Variants in CYP4F22 observed in about 807,000 individuals in gnomAD.
CYP4F22 encodes ultra-long-chain fatty acid omega-hydroxylase.
In CYP4F22, 37 loss-of-function variants were observed where a neutral mutation model predicts 60.4. The ratio of observed to expected loss-of-function variants is 0.61; its 90% CI spans 0.47 to 0.81. The LOEUF is 0.81. Among genes scored for constraint, CYP4F22 ranks in the 30% least tolerant of loss-of-function variants. The probability of loss-of-function intolerance (pLI) is 0.00; values close to 1 mark genes in which losing one functional copy is unlikely to be tolerated. For synonymous variants in CYP4F22, 258 were observed against 280.5 expected, an observed-to-expected ratio of 0.92 and a Z score of 0.80; for missense variants, 655 against 715.0, an observed-to-expected ratio of 0.92 and a Z score of 0.96.
At chr19:15,525,616 G>A (rs1016430864) in intron 3 of CYP4F22, 58 bp downstream of exon 3, 13 of 1,528,724 alleles carry the variant, frequency 8.5e-6, no homozygotes, top group South Asian at 1.1e-5. Flanking sequence ...AGGGTAATAG[G>A]TAGGGATGGT....
Position 15,540,652 on chromosome 19 carries a change from G to A in CYP4F22, c.874G>A (p.Glu292Lys), listed in dbSNP as rs139163760. 756 of 1,613,858 alleles carry A rather than the reference G, an allele frequency of 4.7e-4. No homozygotes were observed. The highest frequency in any genetic ancestry group is 6.0e-4 in the Non-Finnish European group (706 of 1,179,988). The change falls in exon 8 of 14, where the codon GAG becomes AAG. Residue 292 changes from glutamate to lysine, a missense_variant. Glu to Lys is a moderately conservative substitution (Grantham distance 56, BLOSUM62 1). Transcript: ENST00000269703. ...GCGGGCACTGCGTCAGCAGGGGGCC[G>A]AGGCCTGGCTTAAGGCCAAGCAGGG... ...RRRALRQQGAEAWLKAKQGKT... is the reference protein window; with the variant it reads ...RRRALRQQGAKAWLKAKQGKT...
At chr19:15,522,055 G>A (rs1971232533) in intron 1 of CYP4F22, among the ~76,000 whole-genome samples, 1 of 149,278 alleles carries the variant, frequency 6.7e-6, no homozygotes, top group Non-Finnish European at 1.5e-5. Flanking sequence ...TGAGGCATGA[G>A]AATTGCTTGA....
intron 4 of CYP4F22, among the ~76,000 whole-genome samples, chr19:15,530,256 G>A (rs2144519003): frequency 6.6e-6 from 1 of 152,314 alleles, no homozygotes; most frequent in South Asian, 2.1e-4. Flanking sequence ...GGCTGACTCT[G>A]ACTGGCAGGG....
chr19:15,511,875 G>A (rs1410873566), intron 1 of CYP4F22, among the ~76,000 whole-genome samples: 5 of 152,228 alleles, frequency 3.3e-5, no homozygotes, highest in East Asian at 3.8e-4. Context: ...AAACCAGCGC[G>A]ACCTGGGCGT....
chr19:15,513,648 G>A (rs1315594616), intron 1 of CYP4F22, among the ~76,000 whole-genome samples: 8 of 152,118 alleles, frequency 5.3e-5, no homozygotes, highest in South Asian at 2.1e-4. Context: ...ACAAGCGTGA[G>A]CCACCACGCC....
intron 1 of CYP4F22, among the ~76,000 whole-genome samples, chr19:15,510,967 T>TA (rs374989279): frequency 0.097 from 5,038 of 51,840 alleles, 87 homozygotes; most frequent in African/African-American, 0.11. Flanking sequence ...TATATATATA[T>TA]TTTTTTTTTT....
chr19:15,545,683 A>ACAAGT (rs1971517893), intron 10 of CYP4F22, among the ~76,000 whole-genome samples: 1 of 58,760 alleles, frequency 1.7e-5, no homozygotes, highest in African/African-American at 8.8e-5. Flanking sequence ...AAAAGAAAAG[A>ACAAGT]AAAGAAAAGA....
chr19:15,531,506 G>T (rs552396072), intron 4 of CYP4F22, among the ~76,000 whole-genome samples: 7 of 152,126 alleles, frequency 4.6e-5, no homozygotes, highest in Non-Finnish European at 1.0e-4. Flanking sequence ...GAAAGAAGCT[G>T]CCATCTTCCC....
intron 1 of CYP4F22, among the ~76,000 whole-genome samples, chr19:15,510,966 ATTTT>A (rs1555726127): frequency 6.8e-5 from 7 of 103,308 alleles, no homozygotes; most frequent in African/African-American, 2.3e-4. Context: ...ATATATATAT[ATTTT>A]TTTTTTTTTT....
intron 10 of CYP4F22, among the ~76,000 whole-genome samples, chr19:15,545,648 C>CAAAAAAAAAAAAAAAAAAAAAAAAAAA (rs1217096575): frequency 1.3e-4 from 5 of 38,948 alleles, no homozygotes; most frequent in Non-Finnish European, 1.8e-4. Flanking sequence ...GACCCTGTCT[C>CAAAAAAAAAAAAAAAAAAAAAAAAAAA]AAAAAAAAAA....
intron 4 of CYP4F22, among the ~76,000 whole-genome samples, chr19:15,530,489 G>A (rs189307587): frequency 3.9e-4 from 59 of 152,214 alleles, no homozygotes; most frequent in African/African-American, 1.3e-3. Context: ...CCTCATGAGC[G>A]GGACTCTGGA....
chr19:15,537,380 T>C lies in CYP4F22; in HGVS notation c.387T>C (p.Asp129=), dbSNP rs150739429. Residue 129 remains aspartate (D), a synonymous_variant, in exon 5 of 14, where the codon GAT becomes GAC. Transcript: ENST00000269703. ...CCACAGCTGCCATCGCCCCCAAGGATGACCTCTTCTATGGCTTCCTAAAAC... is the reference window on the plus strand; with the variant it reads ...CCACAGCTGCCATCGCCCCCAAGGACGACCTCTTCTATGGCTTCCTAAAAC... ...LGASAAIAPK[D]DLFYGFLKPW... 3.1e-4 allele frequency: 508 copies of C among 1,614,196 alleles called. 7 individuals carry two copies. In the South Asian group the frequency reaches 4.5e-3, roughly 14 times the overall value.
At chr19:15,509,885 C>CTTTCTTTCTTTCT (rs1210119534) in intron 1 of CYP4F22, among the ~76,000 whole-genome samples, 26 of 114,726 alleles carry the variant, frequency 2.3e-4, no homozygotes, top group Admixed American at 9.7e-4. Flanking sequence ...TCCTTCCTTC[C>CTTTCTTTCTTTCT]TTCCTTCCTT....
chr19:15,510,111 A>G (rs1418910925), intron 1 of CYP4F22, among the ~76,000 whole-genome samples: 1 of 151,688 alleles, frequency 6.6e-6, no homozygotes, highest in Non-Finnish European at 1.5e-5. Flanking sequence ...CCTCCTGAGT[A>G]TGGAGGACTA....
chr19:15,551,390 G>C lies in CYP4F22; in HGVS notation c.1515G>C (p.Lys505Asn), dbSNP rs1341719659. The stretch of plus-strand genomic sequence containing the variant: ...GCCTGAGCGTGGACCGAACGCGCAA[G>C]GTGCGGCGGAAGCCGGAGCTCATAC... Reference protein sequence around the residue: ...RFRLSVDRTRKVRRKPELILR... With the variant: ...RFRLSVDRTRNVRRKPELILR... The change falls in exon 14 of 14, where the codon AAG becomes AAC. Residue 505 changes from lysine (K) to asparagine (N), a missense_variant. Lys to Asn is a moderately conservative substitution (Grantham distance 94, BLOSUM62 0). This residue lies in a region of CYP4F22 where 151 missense variants were observed against 139.4 expected (regional missense o/e 1.08). Coordinates refer to ENST00000269703, the MANE Select transcript of CYP4F22 (RefSeq NM_173483.4). 1 of 1,609,200 alleles carries C rather than the reference G, an allele frequency of 6.2e-7. No homozygotes were observed. Among genetic ancestry groups the C allele is most frequent in the South Asian group, 1.1e-5 (1 of 90,126 alleles).
At chr19:15,510,992 G>T (rs1971085730) in intron 1 of CYP4F22, among the ~76,000 whole-genome samples, 4 of 127,908 alleles carry the variant, frequency 3.1e-5, no homozygotes, top group African/African-American at 1.3e-4. Flanking sequence ...TTGAGATGGA[G>T]TTTTGCTCTT....
At chr19:15,520,081 A>C (rs1971203648) in intron 1 of CYP4F22, among the ~76,000 whole-genome samples, 1 of 152,178 alleles carries the variant, frequency 6.6e-6, no homozygotes, top group Admixed American at 6.5e-5. Context: ...GTGGTGGCTC[A>C]AGCCTGTAAT....
intron 1 of CYP4F22, among the ~76,000 whole-genome samples, chr19:15,509,871 T>TCCTC (rs1466875188): frequency 3.2e-5 from 4 of 124,962 alleles, no homozygotes; most frequent in African/African-American, 1.2e-4. Context: ...CTTCCTTCCT[T>TCCTC]CCTTCCTTCC....
intron 4 of CYP4F22, among the ~76,000 whole-genome samples, chr19:15,531,982 T>C (rs1321954152): frequency 6.6e-6 from 1 of 151,944 alleles, no homozygotes; most frequent in Non-Finnish European, 1.5e-5. Context: ...GGTGCGTGCC[T>C]ATAGTCCCAG....
Sources: gnomAD v4.1 joint callset for allele counts (sites outside exome capture counted in the v4.1 genomes callset) on GRCh38, gnomAD v4.1.1 for gene constraint, gnomAD v4.1.1 regional missense constraint, MANE v1.5 for transcripts, NCBI Gene and HGNC (gene_info 2026-07-23, HGNC 2026-07-21) for gene names.